ZNF280D: variants seen among roughly 807,000 people sequenced by gnomAD.
ZNF280D encodes the protein zinc finger protein 280D, also known as suppressor of hairy wing homolog 4.
Under a neutral mutation model 94.7 loss-of-function variants are expected in ZNF280D, and 39 were observed. The ratio of observed to expected loss-of-function variants is 0.41; its 90% CI spans 0.32 to 0.54. The LOEUF (loss-of-function observed/expected upper bound fraction) is 0.54. Among genes scored for constraint, ZNF280D ranks in the 20% least tolerant of loss-of-function variants. ZNF280D has a pLI of 0.22. For missense variants in ZNF280D, 1,090 were observed against 1,149.3 expected, an observed-to-expected ratio of 0.95 and a Z score of 0.75; for synonymous variants, 398 against 377.6, an observed-to-expected ratio of 1.05 and a Z score of -0.63.
At chr15:56,659,824 C>G (rs1596382803) in intron 16 of ZNF280D, among the ~76,000 whole-genome samples, 1 of 151,784 alleles carries the variant, frequency 6.6e-6, no homozygotes, top group East Asian at 1.9e-4. Flanking sequence ...GAAACAGCAG[C>G]CAACACACCT....
intron 1 of ZNF280D, chr15:56,732,686 C>T (rs779794448): frequency 6.6e-6 from 1 of 152,084 alleles, no homozygotes; most frequent in South Asian, 2.1e-4. Context: ...TTCACCTTGA[C>T]GTTTTTCCTC....
chr15:56,641,038 C>A (rs560635310), intron 20 of ZNF280D, among the ~76,000 whole-genome samples: 3 of 151,956 alleles, frequency 2.0e-5, no homozygotes, highest in African/African-American at 7.2e-5. Flanking sequence ...TATCTCTATA[C>A]AAAATATGAA....
At chr15:56,656,223 G>C (rs1270404575) in intron 17 of ZNF280D, among the ~76,000 whole-genome samples, 2 of 152,172 alleles carry the variant, frequency 1.3e-5, no homozygotes, top group Admixed American at 6.5e-5. Flanking sequence ...TACTTTATGT[G>C]CAAGACAGAT....
At chr15:56,653,125 A>G (rs548498921) in intron 19 of ZNF280D, 1 of 996,780 alleles carries the variant, frequency 1.0e-6, no homozygotes, top group African/African-American at 1.7e-5. Flanking sequence ...TTTGGAACTT[A>G]ATTGTGGAGA....
At chr15:56,705,995 A>T (rs372987153) in intron 3 of ZNF280D, among the ~76,000 whole-genome samples, 151 of 149,982 alleles carry the variant, frequency 1.0e-3, no homozygotes, top group African/African-American at 3.7e-3. Flanking sequence ...CTCAAAATTC[A>T]TATGTTTAAG....
intron 21 of ZNF280D, among the ~76,000 whole-genome samples, chr15:56,633,596 T>G (rs1385104903): frequency 6.6e-6 from 1 of 151,982 alleles, no homozygotes; most frequent in Non-Finnish European, 1.5e-5. Context: ...GTTCAGGTGA[T>G]TCTCCTGCCT....
intron 1 of ZNF280D, among the ~76,000 whole-genome samples, chr15:56,732,389 A>G (rs942576311): frequency 2.6e-5 from 4 of 152,224 alleles, no homozygotes; most frequent in Non-Finnish European, 4.4e-5. Flanking sequence ...TAACAATGGT[A>G]TAAGCAAACC....
intron 1 of ZNF280D, among the ~76,000 whole-genome samples, chr15:56,727,608 C>T (rs924301315): frequency 9.9e-5 from 15 of 152,174 alleles, no homozygotes; most frequent in Admixed American, 2.6e-4. Flanking sequence ...GATTCTGATC[C>T]CCTTCATCTG....
intron 19 of ZNF280D, chr15:56,653,549 T>G: frequency 6.6e-7 from 1 of 1,519,252 alleles, no homozygotes; most frequent in South Asian, 1.2e-5. Context: ...AGGGGGACAC[T>G]GTCCAGGTAT....
chr15:56,665,121 C>T (rs975837178), intron 16 of ZNF280D, among the ~76,000 whole-genome samples: 99 of 151,990 alleles, frequency 6.5e-4, no homozygotes, highest in Non-Finnish European at 1.2e-4. Flanking sequence ...TGAGGTCAGG[C>T]CAACCATGAA....
intron 13 of ZNF280D, among the ~76,000 whole-genome samples, chr15:56,669,900 A>ATTT (rs2054615067): frequency 2.7e-4 from 2 of 7,526 alleles, no homozygotes; most frequent in African/African-American, 9.9e-4. Flanking sequence ...ATATATATAT[A>ATTT]TAATATATAT....
In ZNF280D at chr15:56,666,402, T is replaced by C. The variant is rs368784993; in HGVS notation, c.1987A>G (p.Met663Val). Residue 663 changes from methionine (M) to valine (V), a missense_variant, in exon 16 of 22, where the codon ATG (methionine) becomes GTG (valine). Transcript: ENST00000267807. ...TSCSKAYVNHMMSFHSNRPSK... is the reference protein window; with the variant it reads ...TSCSKAYVNHVMSFHSNRPSK... The stretch of plus-strand genomic sequence containing the variant: ...ACATTTAATTCATCTTACCTCATCA[T>C]ATGATTTACATAGGCTTTGCTACAG... 5.0e-6 allele frequency: 8 copies of C among 1,609,104 alleles called. No homozygotes were observed. The highest frequency in any genetic ancestry group is 5.1e-6 in the Non-Finnish European group (6 of 1,178,480).
intron 1 of ZNF280D, among the ~76,000 whole-genome samples, chr15:56,723,235 A>AAAAT (rs146277651): frequency 0.55 from 82,744 of 150,656 alleles, 22,853 homozygotes; most frequent in East Asian, 0.6. Flanking sequence ...TAATAATAAA[A>AAAAT]AAATAAATAA....
chr15:56,706,169 AG>A (rs1199182591), intron 3 of ZNF280D, among the ~76,000 whole-genome samples: 1 of 139,308 alleles, frequency 7.2e-6, no homozygotes, highest in Non-Finnish European at 1.5e-5. Flanking sequence ...AGGAGATCAC[AG>A]GAAGATGTAA....
chr15:56,677,552 A>T, intron 12 of ZNF280D, 22 bp downstream of exon 12: 1 of 1,546,244 alleles, frequency 6.5e-7, no homozygotes, highest in Non-Finnish European at 8.9e-7. Context: ...ACACTTAAAA[A>T]AACAATAAAA....
intron 1 of ZNF280D, among the ~76,000 whole-genome samples, chr15:56,717,162 G>T (rs545028595): frequency 1.3e-5 from 2 of 152,114 alleles, no homozygotes; most frequent in Non-Finnish European, 2.9e-5. Context: ...TGGTACCAGA[G>T]GGAGAGTCTT....
At chr15:56,662,449 T>C (rs1250703469) in intron 16 of ZNF280D, among the ~76,000 whole-genome samples, 2 of 152,134 alleles carry the variant, frequency 1.3e-5, no homozygotes, top group African/African-American at 4.8e-5. Context: ...TCACCTGCAG[T>C]TTGTAATGTG....
At chr15:56,649,163 T>C in intron 19 of ZNF280D, among the ~76,000 whole-genome samples, 1 of 152,106 alleles carries the variant, frequency 6.6e-6, no homozygotes, top group East Asian at 1.9e-4. Flanking sequence ...TAGGACTCTA[T>C]TTTATTATTT....
intron 1 of ZNF280D, among the ~76,000 whole-genome samples, chr15:56,719,208 T>G (rs1409060157): frequency 2.0e-5 from 3 of 152,136 alleles, no homozygotes; most frequent in Non-Finnish European, 4.4e-5. Context: ...TCCCCAATGT[T>G]GCAGGTAGGG....
Sources: gnomAD v4.1 joint callset for allele counts (sites outside exome capture counted in the v4.1 genomes callset) on GRCh38, gnomAD v4.1.1 for gene constraint, MANE v1.5 for transcripts, NCBI Gene and HGNC (gene_info 2026-07-23, HGNC 2026-07-21) for gene names.